Variants in ZNF100 observed in about 807,000 individuals in gnomAD.
ZNF100 encodes the protein zinc finger protein 100.
In ZNF100, 12 loss-of-function variants were observed where a neutral mutation model predicts 15.8. That is an observed-to-expected ratio of 0.76 (90% CI 0.49 to 1.23). The LOEUF is 1.23. Among genes scored for constraint, ZNF100 ranks in the 50% most tolerant of loss-of-function variants. The pLI is 0.00. For synonymous variants in ZNF100, 226 were observed against 214.8 expected (o/e 1.05, Z -0.45); for missense variants, 670 against 635.6 (o/e 1.05, Z -0.58).
chr19:21,744,366 C>T (rs1297225590), intron 3 of ZNF100, among the ~76,000 whole-genome samples: 4 of 151,938 alleles, frequency 2.6e-5, no homozygotes, highest in African/African-American at 4.8e-5. Flanking sequence ...TATATATGTA[C>T]ATATATATAC....
Position 21,724,750 on chromosome 19 carries a change from T to C in ZNF100, c.*1933A>G, listed in dbSNP as rs1401997509. The C allele has an allele frequency of 6.6e-6, 1 of 152,038 alleles. No homozygotes were observed. The highest frequency in any genetic ancestry group is 6.6e-5 in the Admixed American group (1 of 15,250). 9.4% of individuals were successfully genotyped at this position (152,038 alleles called of 1,614,324 possible). ...ACCCCAAATAATTAAGAAAAATAAA[T>C]TTAAATAAAATAAACATTTGGCTGG... On this transcript the variant is annotated 3_prime_UTR_variant, in exon 5 of 5. Coordinates refer to ENST00000358296, the MANE Select transcript of ZNF100 (RefSeq NM_173531.4).
Position 21,731,049 on chromosome 19 carries a change from A to G in ZNF100, c.323-3060T>C, listed in dbSNP as rs540149350. ...AGTATATAAAATGTCAAGAGACAAT[A>G]AAGTACCCAAGAGTCTTCAAAAAAA... On this transcript the variant is annotated intron_variant, in intron 4 of 4. Coordinates refer to ENST00000358296, the MANE Select transcript of ZNF100 (RefSeq NM_173531.4). Among the ~76,000 whole-genome samples, 35 of 151,776 alleles carry G rather than the reference A, an allele frequency of 2.3e-4. No individual in the cohort carries two copies. The South Asian group carries it at 7.1e-3, about 31-fold the overall frequency.
intron 4 of ZNF100, among the ~76,000 whole-genome samples, chr19:21,741,547 G>A (rs1255040435): frequency 6.6e-6 from 1 of 151,992 alleles, no homozygotes; most frequent in Admixed American, 6.6e-5. Flanking sequence ...GCTAATTTTT[G>A]TATTTTTAGT....
chr19:21,762,173 G>A (rs1369150745), intron 2 of ZNF100, among the ~76,000 whole-genome samples: 103 of 151,868 alleles, frequency 6.8e-4, no homozygotes, highest in Non-Finnish European at 1.2e-4. Context: ...GCAAGACTAT[G>A]CCTCAAAAAA....
Position 21,749,575 on chromosome 19 carries a change from C to G in ZNF100, c.97-4508G>C, listed in dbSNP as rs940050842. Among the ~76,000 whole-genome samples the G allele has an allele frequency of 2.6e-5, 4 of 152,278 alleles. No individual in the cohort carries two copies. In the East Asian group the frequency reaches 7.7e-4, roughly 29 times the overall value. The stretch of plus-strand genomic sequence containing the variant: ...GCTAGCTTTTGGGTAAGAAGAAGGA[C>G]AAGAATACTCTACTCCAGTATCATA... On this transcript the variant is annotated intron_variant, in intron 2 of 4. Coordinates refer to ENST00000358296, the MANE Select transcript of ZNF100 (RefSeq NM_173531.4).
chr19:21,731,981 C>T (rs925479839), intron 4 of ZNF100, among the ~76,000 whole-genome samples: 7 of 152,052 alleles, frequency 4.6e-5, no homozygotes, highest in Admixed American at 2.6e-4. Flanking sequence ...GGCCTGGTGC[C>T]GGGACTCACA....
In ZNF100 at chr19:21,724,257, ATTTGT is replaced by A. The variant is rs1196593141; in HGVS notation, c.*2421_*2425del. 4.6e-5 allele frequency: 7 copies of A among 152,144 alleles called. No homozygotes were observed. The highest frequency in any genetic ancestry group is 7.4e-5 in the Non-Finnish European group (5 of 68,002). 9.4% of individuals were successfully genotyped at this position (152,144 alleles called of 1,614,324 possible). ...TTCTAGTAGTCATCTTGTTAAAATG[ATTTGT>A]TTTGTTCAGTATTGCTTTTTTCTTC... On this transcript the variant is annotated 3_prime_UTR_variant, in exon 5 of 5. Transcript: ENST00000358296.
intron 2 of ZNF100, among the ~76,000 whole-genome samples, chr19:21,760,628 C>A (rs2036467513): frequency 6.6e-6 from 1 of 151,950 alleles, no homozygotes; most frequent in African/African-American, 2.4e-5. Flanking sequence ...TCCAGACAAT[C>A]ATCTTGTGTT....
At position 21,724,509 on chromosome 19, in the gene ZNF100, A is replaced by G. The variant is rs1023928984; in HGVS notation, c.*2174T>C. Reference sequence around the variant, plus strand: ...TGTAGGGATTTTATTATACTTCTACATAACTTTTATTATGACCATAAAAAT... The same window carrying G: ...TGTAGGGATTTTATTATACTTCTACGTAACTTTTATTATGACCATAAAAAT... On this transcript the variant is annotated 3_prime_UTR_variant, in exon 5 of 5. Transcript: ENST00000358296. 5 of 152,188 alleles carry G rather than the reference A, an allele frequency of 3.3e-5. No individual in the cohort carries two copies. Among genetic ancestry groups the G allele is most frequent in the East Asian group, 1.9e-4 (1 of 5,204 alleles). The allele number at this position is 152,188 out of a possible 1,614,324, so 9.4% of individuals were successfully genotyped here.
In ZNF100 at chr19:21,725,048, C is replaced by T. The variant is rs1231230773; in HGVS notation, c.*1635G>A. The T allele has an allele frequency of 6.6e-6, 1 of 152,018 alleles. No individual in the cohort carries two copies. The highest frequency in any genetic ancestry group is 6.6e-5 in the Admixed American group (1 of 15,238). The allele number at this position is 152,018 out of a possible 1,614,324, so 9.4% of individuals were successfully genotyped here. A position where few individuals can be genotyped will look rare whatever the true frequency, so the allele number is the denominator to read the frequency against. ...CCTGGGTGACAGAGCAAGACTACCT[C>T]TCAAAAATAAAATAAAATAAAAACA... On this transcript the variant is annotated 3_prime_UTR_variant, in exon 5 of 5. Coordinates refer to ENST00000358296, the MANE Select transcript of ZNF100 (RefSeq NM_173531.4).
chr19:21,767,343 G>A lies in ZNF100; in HGVS notation c.3+84C>T, dbSNP rs367575392. 336 of 1,605,298 alleles carry A rather than the reference G, an allele frequency of 2.1e-4. 2 individuals carry two copies. In the African/African-American group the frequency reaches 3.9e-3, roughly 19 times the overall value. On this transcript the variant is annotated intron_variant, in intron 1 of 4. Transcript: ENST00000358296. ...AGATTGTGAAGCTGACTGCGGAGAG[G>A]CCTGAGTCCCGCCACAGCTACTTCC...
intron 4 of ZNF100, among the ~76,000 whole-genome samples, chr19:21,733,155 T>TA (rs2035947403): frequency 6.6e-6 from 1 of 152,176 alleles, no homozygotes; most frequent in Non-Finnish European, 1.5e-5. Flanking sequence ...AACTCTCTAT[T>TA]AAATGTAAAT....
chr19:21,766,429 AAT>A (rs1287821614), intron 1 of ZNF100, among the ~76,000 whole-genome samples: 1 of 146,836 alleles, frequency 6.8e-6, no homozygotes, highest in Non-Finnish European at 1.5e-5. Flanking sequence ...AAAAAAAAAA[AAT>A]CTAACTCAGG....
At position 21,744,960 on chromosome 19, in the gene ZNF100, G is replaced by A. The variant is rs187140552; in HGVS notation, c.204C>T (p.Tyr68=). The change falls in exon 3 of 5, where the codon TAC becomes TAT. Residue 68 remains tyrosine (Y), a synonymous_variant. Transcript: ENST00000358296. ...GLYRKVMLEN[Y]RNLVFLAGIA... is the part of the protein sequence containing the mutation. ...TCTCACCCAAGAAGACCAGGTTTCT[G>A]TAGTTCTCTAACATCACTTTCCTAT... The A allele has an allele frequency of 1.2e-6, 2 of 1,609,988 alleles. No individual in the cohort carries two copies. Among genetic ancestry groups the A allele is most frequent in the Admixed American group, 3.4e-5 (2 of 58,406 alleles).
At chr19:21,738,232 T>TA (rs1280622782) in intron 4 of ZNF100, among the ~76,000 whole-genome samples, 1 of 109,050 alleles carries the variant, frequency 9.2e-6, no homozygotes, top group Non-Finnish European at 1.7e-5. Context: ...GCCTGGGCGA[T>TA]AGAGTGACAC....
chr19:21,739,297 C>T (rs7260043), intron 4 of ZNF100, among the ~76,000 whole-genome samples: 152,381 of 152,390 alleles, frequency 1, 76,186 homozygotes, highest in Non-Finnish European at 1. Context: ...GGCTGATACG[C>T]ATAATTTCAA....
chr19:21,743,691 G>C (rs1244546188), intron 4 of ZNF100, among the ~76,000 whole-genome samples: 4 of 151,938 alleles, frequency 2.6e-5, no homozygotes, highest in Non-Finnish European at 5.9e-5. Context: ...ATATCTGTGT[G>C]TCCCCCCAAA....
intron 2 of ZNF100, chr19:21,752,134 AAC>A (rs1307673166): frequency 6.0e-6 from 1 of 166,700 alleles, no homozygotes; most frequent in East Asian, 1.7e-4. Flanking sequence ...TTTTAATGTA[AAC>A]AGAGTCACCA....
rs189999002 is a variant in ZNF100, at chr19:21,741,499, C to T, written c.322+2518G>A. 5.0e-3 allele frequency among the ~76,000 whole-genome samples: 767 copies of T among 152,072 alleles called. 5 individuals carry two copies. Among genetic ancestry groups the T allele is most frequent in the South Asian group, 1.0e-2 (48 of 4,820 alleles). The stretch of plus-strand genomic sequence containing the variant: ...AAGGAATTCTTCTGCCTCAGCCTCC[C>T]GAGTAGCTGGGATTACAGGCACCTG... On this transcript the variant is annotated intron_variant, in intron 4 of 4. Coordinates refer to ENST00000358296, the MANE Select transcript of ZNF100 (RefSeq NM_173531.4).
Sources: gnomAD v4.1 joint callset for allele counts (sites outside exome capture counted in the v4.1 genomes callset) on GRCh38, gnomAD v4.1.1 for gene constraint, MANE v1.5 for transcripts, NCBI Gene and HGNC (gene_info 2026-07-23, HGNC 2026-07-21) for gene names.